Variants in NDUFAF2 observed in about 807,000 individuals in gnomAD.
NDUFAF2 encodes the protein NADH:ubiquinone oxidoreductase complex assembly factor 2, also known as NADH dehydrogenase [ubiquinone] 1 alpha subcomplex assembly factor 2.
Under a neutral mutation model 22.8 loss-of-function variants are expected in NDUFAF2, and 13 were observed. That is an observed-to-expected ratio of 0.57 (90% CI 0.37 to 0.91). The LOEUF (loss-of-function observed/expected upper bound fraction) is 0.91. Among genes scored for constraint, NDUFAF2 ranks in the 40% least tolerant of loss-of-function variants. NDUFAF2 has a pLI of 0.01. For missense variants in NDUFAF2, 162 were observed against 195.2 expected (o/e 0.83, Z 1.01); for synonymous variants, 53 against 64.2 (o/e 0.83, Z 0.84).
intron 1 of NDUFAF2, among the ~76,000 whole-genome samples, chr5:61,025,608 C>G (rs937984996): frequency 4.0e-5 from 6 of 151,834 alleles, no homozygotes; most frequent in Non-Finnish European, 7.4e-5. Context: ...AGAGGAATGC[C>G]TGCTCTGTTT....
In NDUFAF2 at chr5:61,153,008, T is replaced by C. The variant is rs1396227504; in HGVS notation, c.*53T>C. ...ATATGGATGTGACTATTTTAACAAA[T>C]AAAAGAAGTGAAAAGTTATTTACCT... On this transcript the variant is annotated 3_prime_UTR_variant, in exon 4 of 4. Coordinates refer to ENST00000296597, the MANE Select transcript of NDUFAF2 (RefSeq NM_174889.5). 6.3e-7 allele frequency: 1 copy of C among 1,589,150 alleles called. No homozygotes were observed. The highest frequency in any genetic ancestry group is 8.6e-7 in the Non-Finnish European group (1 of 1,161,436).
intron 3 of NDUFAF2, among the ~76,000 whole-genome samples, chr5:61,122,360 A>G (rs914188264): frequency 6.6e-6 from 1 of 152,190 alleles, no homozygotes; most frequent in Non-Finnish European, 1.5e-5. Context: ...ATGAACTGGT[A>G]TATAAAGTGT....
At chr5:61,082,215 A>C (rs531215203) in intron 2 of NDUFAF2, among the ~76,000 whole-genome samples, 1 of 152,290 alleles carries the variant, frequency 6.6e-6, no homozygotes, top group East Asian at 1.9e-4. Flanking sequence ...AGATTGTGCA[A>C]ATAAAATTCA....
chr5:60,990,806 G>A (rs1037428142), intron 1 of NDUFAF2, among the ~76,000 whole-genome samples: 3 of 152,078 alleles, frequency 2.0e-5, no homozygotes, highest in Non-Finnish European at 4.4e-5. Flanking sequence ...TTAATTTTGT[G>A]TATTTCTAGG....
At chr5:61,038,619 C>T (rs1199504904) in intron 1 of NDUFAF2, among the ~76,000 whole-genome samples, 1 of 152,132 alleles carries the variant, frequency 6.6e-6, no homozygotes, top group Non-Finnish European at 1.5e-5. Flanking sequence ...TCTCTCTTAC[C>T]TTTTAAACCA....
intron 1 of NDUFAF2, among the ~76,000 whole-genome samples, chr5:60,989,935 T>C (rs1163241890): frequency 2.0e-5 from 3 of 151,752 alleles, no homozygotes; most frequent in Non-Finnish European, 4.4e-5. Context: ...AAAAAGAAAA[T>C]GTGGTACATA....
intron 3 of NDUFAF2, among the ~76,000 whole-genome samples, chr5:61,101,732 A>G (rs141645871): frequency 3.9e-5 from 6 of 152,194 alleles, no homozygotes; most frequent in African/African-American, 9.6e-5. Flanking sequence ...TTACAACAGT[A>G]TTAGAAAACA....
At chr5:61,117,348 A>T (rs1467490714) in intron 3 of NDUFAF2, among the ~76,000 whole-genome samples, 2 of 152,094 alleles carry the variant, frequency 1.3e-5, no homozygotes, top group Admixed American at 1.3e-4. Flanking sequence ...ATGGCCCTAC[A>T]ATAAAAAGAT....
intron 3 of NDUFAF2, among the ~76,000 whole-genome samples, chr5:61,107,740 C>T (rs1003619339): frequency 1.3e-5 from 2 of 150,040 alleles, no homozygotes; most frequent in South Asian, 2.1e-4. Context: ...TATGTATACA[C>T]GTGCCATGCT....
chr5:61,035,384 G>T (rs1175104172), intron 1 of NDUFAF2, among the ~76,000 whole-genome samples: 4 of 148,318 alleles, frequency 2.7e-5, no homozygotes, highest in African/African-American at 1.0e-4. Flanking sequence ...ATTTTTAATG[G>T]CTGGCAGAGA....
At chr5:61,093,108 GAGAAAGAGTAAGTC>G (rs1752589477) in intron 2 of NDUFAF2, among the ~76,000 whole-genome samples, 1 of 152,168 alleles carries the variant, frequency 6.6e-6, no homozygotes, top group Non-Finnish European at 1.5e-5. Flanking sequence ...TCCAGCATGG[GAGAAAGAGTAAGTC>G]CAGAAGGCTC....
chr5:61,024,389 C>T (rs987282825), intron 1 of NDUFAF2, among the ~76,000 whole-genome samples: 6 of 151,994 alleles, frequency 3.9e-5, no homozygotes, highest in Middle Eastern at 3.4e-3. Flanking sequence ...TGCCAAAGGA[C>T]GTTCTAGGTG....
chr5:61,038,105 AGAGAGAGAGAGG>A (rs1751822898), intron 1 of NDUFAF2, among the ~76,000 whole-genome samples: 1 of 148,240 alleles, frequency 6.7e-6, no homozygotes, highest in African/African-American at 2.5e-5. Context: ...AGAGAGAGAG[AGAGAGAGAGAGG>A]GAGAGAGAGA....
chr5:60,963,707 G>A (rs2112569058), intron 1 of NDUFAF2, among the ~76,000 whole-genome samples: 1 of 152,326 alleles, frequency 6.6e-6, no homozygotes, highest in African/African-American at 2.4e-5. Context: ...TTACATTGAA[G>A]CTGAAGGAAT....
chr5:61,013,098 A>G (rs1252019422), intron 1 of NDUFAF2, among the ~76,000 whole-genome samples: 2 of 152,128 alleles, frequency 1.3e-5, no homozygotes, highest in Admixed American at 6.6e-5. Context: ...TTGGGGTACT[A>G]TTAAGTCACA....
chr5:61,135,771 G>T (rs1740916771), intron 3 of NDUFAF2, among the ~76,000 whole-genome samples: 1 of 151,912 alleles, frequency 6.6e-6, no homozygotes, highest in Non-Finnish European at 1.5e-5. Flanking sequence ...GCTGTAATTA[G>T]CCAGAATCAC....
intron 1 of NDUFAF2, among the ~76,000 whole-genome samples, chr5:61,035,156 C>T (rs768530788): frequency 6.6e-6 from 1 of 150,980 alleles, no homozygotes; most frequent in African/African-American, 2.4e-5. Flanking sequence ...AACCTCTGAA[C>T]CCCGGGCTCA....
In NDUFAF2 at chr5:60,948,463, C is replaced by T. The variant is rs936827869; in HGVS notation, c.127+3081C>T. Among the ~76,000 whole-genome samples the T allele has an allele frequency of 3.9e-5, 6 of 152,152 alleles. 1 individual carries two copies. The Middle Eastern group carries it at 0.01, about 259-fold the overall frequency. ...TCCTGGCTTTGTGATCTGCCTGCCT[C>T]GGCCTCCCAAAGTGCTGGGATTACA... On this transcript the variant is annotated intron_variant, in intron 1 of 3. Coordinates refer to ENST00000296597, the MANE Select transcript of NDUFAF2 (RefSeq NM_174889.5).
At chr5:61,061,785 A>T (rs1370661213) in intron 1 of NDUFAF2, among the ~76,000 whole-genome samples, 1 of 152,198 alleles carries the variant, frequency 6.6e-6, no homozygotes, top group Non-Finnish European at 1.5e-5. Flanking sequence ...GCCATGTCAG[A>T]TCTGACACTG....
Sources: allele counts gnomAD v4.1 joint callset (sites outside exome capture counted in the v4.1 genomes callset), GRCh38; gene constraint gnomAD v4.1.1; transcripts MANE v1.5; gene names NCBI Gene and HGNC (gene_info 2026-07-23, HGNC 2026-07-21).